The following ABTB3 variants were observed in gnomAD, a reference collection of about 807,000 sequenced individuals.
ABTB3 encodes the protein ankyrin repeat- and BTB/POZ domain-containing protein 3.
chr12:107,470,316 G>A, the ABTB3 span, among the ~76,000 whole-genome samples: 1 of 152,062 alleles, frequency 6.6e-6, no homozygotes, highest in East Asian at 1.9e-4. Flanking sequence ...TAGGATTATA[G>A]CGTGAGCCAC....
chr12:107,409,097 C>A, the ABTB3 span, among the ~76,000 whole-genome samples: 3 of 152,220 alleles, frequency 2.0e-5, no homozygotes, highest in Admixed American at 2.0e-4. Context: ...GTCCCCCTCA[C>A]CTTCCCTCTC....
the ABTB3 span, among the ~76,000 whole-genome samples, chr12:107,552,616 T>C: frequency 2.0e-5 from 3 of 152,232 alleles, no homozygotes; most frequent in Non-Finnish European, 4.4e-5. Flanking sequence ...AAAGAGATCT[T>C]AGAACAGAGA....
chr12:107,486,991 T>C, the ABTB3 span, among the ~76,000 whole-genome samples: 1 of 152,206 alleles, frequency 6.6e-6, no homozygotes, highest in Non-Finnish European at 1.5e-5. Flanking sequence ...ACCATTTGGC[T>C]GCCATAGGCC....
chr12:107,482,011 G>T, the ABTB3 span, among the ~76,000 whole-genome samples: 1 of 151,460 alleles, frequency 6.6e-6, no homozygotes, highest in Non-Finnish European at 1.5e-5. Flanking sequence ...TCCAGCCCCT[G>T]TTGTTTCGAG....
the ABTB3 span, among the ~76,000 whole-genome samples, chr12:107,381,298 CAAAT>C: frequency 2.0e-5 from 3 of 152,230 alleles, no homozygotes; most frequent in Non-Finnish European, 4.4e-5. Context: ...CTTGCTGAAA[CAAAT>C]GAATGGATGT....
At chr12:107,637,824 GT>G in the ABTB3 span, among the ~76,000 whole-genome samples, 1 of 141,572 alleles carries the variant, frequency 7.1e-6, no homozygotes, top group African/African-American at 2.7e-5. Flanking sequence ...GTGTGTGTGT[GT>G]GTGTGTGTGG....
chr12:107,446,043 C>G, the ABTB3 span, among the ~76,000 whole-genome samples: 2 of 152,068 alleles, frequency 1.3e-5, no homozygotes, highest in Admixed American at 1.3e-4. Context: ...TCTGCAACCC[C>G]CTTTTGCCCT....
the ABTB3 span, among the ~76,000 whole-genome samples, chr12:107,439,078 C>A: frequency 6.6e-6 from 1 of 152,184 alleles, no homozygotes; most frequent in African/African-American, 2.4e-5. Context: ...TCTTGAAGAA[C>A]AAACAGTTTG....
the ABTB3 span, among the ~76,000 whole-genome samples, chr12:107,337,089 C>T: frequency 8.5e-5 from 13 of 152,376 alleles, no homozygotes; most frequent in African/African-American, 2.9e-4. Flanking sequence ...GATGGCACCT[C>T]GTTCTAATCC....
chr12:107,319,079 T>A, the ABTB3 span: 4 of 1,611,236 alleles, frequency 2.5e-6, no homozygotes, highest in Non-Finnish European at 3.4e-6. Context: ...GGCGTCCCCG[T>A]ATGGCGGGAG....
At chr12:107,443,091 G>T in the ABTB3 span, among the ~76,000 whole-genome samples, 2 of 151,960 alleles carry the variant, frequency 1.3e-5, no homozygotes, top group Non-Finnish European at 2.9e-5. Context: ...CTCCCAAAGG[G>T]CCCCATCTCC....
chr12:107,603,222 C>T, the ABTB3 span, among the ~76,000 whole-genome samples: 3 of 152,236 alleles, frequency 2.0e-5, no homozygotes, highest in African/African-American at 7.2e-5. Context: ...GCCACATTTA[C>T]AGATATGCTA....
chr12:107,533,683 C>T, the ABTB3 span, among the ~76,000 whole-genome samples: 1 of 152,158 alleles, frequency 6.6e-6, no homozygotes, highest in East Asian at 1.9e-4. Context: ...TAGTAGGGGA[C>T]TTCAACAGCC....
At chr12:107,346,088 G>A in the ABTB3 span, among the ~76,000 whole-genome samples, 1 of 152,358 alleles carries the variant, frequency 6.6e-6, no homozygotes, top group African/African-American at 2.4e-5. Context: ...GCTGTTGAGA[G>A]TGGCGTGGAG....
chr12:107,483,685 GTTTA>G, the ABTB3 span, among the ~76,000 whole-genome samples: 1 of 151,972 alleles, frequency 6.6e-6, no homozygotes, highest in Non-Finnish European at 1.5e-5. Flanking sequence ...GGTCCATGCT[GTTTA>G]TTTATTTATT....
At chr12:107,613,188 C>T in the ABTB3 span, among the ~76,000 whole-genome samples, 17 of 152,194 alleles carry the variant, frequency 1.1e-4, no homozygotes, top group African/African-American at 4.1e-4. Context: ...CTGATTCCCA[C>T]GGCTGATCAA....
the ABTB3 span, among the ~76,000 whole-genome samples, chr12:107,561,594 C>T: frequency 3.3e-5 from 5 of 152,300 alleles, no homozygotes; most frequent in East Asian, 7.7e-4. Context: ...CAGTAAACCT[C>T]CTTGCTAGAT....
the ABTB3 span, among the ~76,000 whole-genome samples, chr12:107,565,562 C>A: frequency 1.3e-5 from 2 of 152,000 alleles, no homozygotes; most frequent in African/African-American, 2.4e-5. Flanking sequence ...AGCTGCCATA[C>A]CCCAGCCAAA....
chr12:107,594,035 A>C, the ABTB3 span, among the ~76,000 whole-genome samples: 1 of 152,256 alleles, frequency 6.6e-6, no homozygotes, highest in Non-Finnish European at 1.5e-5. Context: ...CACATAAAAA[A>C]GGTAAGGTCT....
Sources: gnomAD v4.1 joint callset for allele counts (sites outside exome capture counted in the v4.1 genomes callset) on GRCh38, gnomAD v4.1.1 for gene constraint, MANE v1.5 for transcripts, NCBI Gene and HGNC (gene_info 2026-07-23, HGNC 2026-07-21) for gene names.